SCN2A: variants seen among roughly 807,000 people sequenced by gnomAD.
The protein encoded by SCN2A is sodium channel protein type 2 subunit alpha.
A neutral mutation model predicts 188.7 loss-of-function variants in SCN2A; 20 were observed. The observed-to-expected ratio is 0.11, with a 90% CI of 0.07 to 0.15. The LOEUF is 0.15. Among genes scored for constraint, SCN2A ranks in the 10% least tolerant of loss-of-function variants. The probability of loss-of-function intolerance (pLI) is 1.00; values close to 1 mark genes in which losing one functional copy is unlikely to be tolerated. For missense variants in SCN2A, 1,278 were observed against 2,445.0 expected (o/e 0.52, Z 10.07); for synonymous variants, 804 against 833.1 (o/e 0.97, Z 0.60).
In SCN2A at chr2:165,375,818, C is replaced by T. The variant is rs926339246; in HGVS notation, c.4254+852C>T. ...ATGTATATATATGTGTGTGTATACA[C>T]GCACACACACACACACACACCCCTA... is the stretch of plus-strand genomic sequence containing the variant. On this transcript the variant is annotated intron_variant, in intron 22 of 26. Transcript: ENST00000375437. 1.1e-4 allele frequency among the ~76,000 whole-genome samples: 16 copies of T among 151,434 alleles called. 1 individual carries two copies. The highest frequency in any genetic ancestry group is 6.2e-4 in the South Asian group (3 of 4,810).
chr2:165,339,585 G>C (rs1699198919), intron 14 of SCN2A, among the ~76,000 whole-genome samples: 1 of 151,908 alleles, frequency 6.6e-6, no homozygotes, highest in Admixed American at 6.6e-5. Flanking sequence ...GAAGAATATA[G>C]TAATAAATTT....
intron 1 of SCN2A, among the ~76,000 whole-genome samples, chr2:165,250,761 G>T (rs1694056246): frequency 6.6e-6 from 1 of 152,044 alleles, no homozygotes; most frequent in African/African-American, 2.4e-5. Flanking sequence ...AATGTAGGTT[G>T]CAGTGATCTT....
intron 1 of SCN2A, among the ~76,000 whole-genome samples, chr2:165,254,477 A>G (rs541300088): frequency 6.6e-6 from 1 of 151,770 alleles, no homozygotes; most frequent in South Asian, 2.1e-4. Flanking sequence ...CTATTTTTCT[A>G]TCCTTTGAAT....
At chr2:165,258,055 T>G (rs1428027303) in intron 1 of SCN2A, among the ~76,000 whole-genome samples, 1 of 152,230 alleles carries the variant, frequency 6.6e-6, no homozygotes, top group African/African-American at 2.4e-5. Context: ...TACTGATAGA[T>G]TCTGGATAGT....
chr2:165,291,412 C>CTG (rs1696127024), intron 1 of SCN2A, among the ~76,000 whole-genome samples: 1 of 141,184 alleles, frequency 7.1e-6, no homozygotes, highest in African/African-American at 2.6e-5. Flanking sequence ...TCCTTCCTTC[C>CTG]TTCCTCCCTG....
chr2:165,323,063 T>C, intron 11 of SCN2A, 93 bp from the exon 12 acceptor site: 3 of 1,199,206 alleles, frequency 2.5e-6, no homozygotes, highest in Non-Finnish European at 3.6e-6. Context: ...AGTAAGTCAA[T>C]GACTATGACA....
intron 25 of SCN2A, 123 bp from the exon 26 acceptor site, chr2:165,386,623 T>A: frequency 9.9e-7 from 1 of 1,009,978 alleles, no homozygotes; most frequent in East Asian, 2.6e-5. Flanking sequence ...TGTAAAATGT[T>A]GTGAGGATTA....
At chr2:165,302,362 ATTC>A (rs1316635723) in intron 3 of SCN2A, among the ~76,000 whole-genome samples, 1 of 152,210 alleles carries the variant, frequency 6.6e-6, no homozygotes, top group Non-Finnish European at 1.5e-5. Flanking sequence ...GACCTATTCT[ATTC>A]TACTTCAAAT....
intron 3 of SCN2A, among the ~76,000 whole-genome samples, chr2:165,306,919 C>T (rs900239336): frequency 1.3e-5 from 2 of 152,036 alleles, no homozygotes; most frequent in Non-Finnish European, 2.9e-5. Context: ...TACATAATGG[C>T]AACTAAATCT....
intron 9 of SCN2A, 41 bp from the exon 10 acceptor site, chr2:165,313,861 T>C: frequency 6.2e-7 from 1 of 1,611,800 alleles, no homozygotes; most frequent in South Asian, 1.1e-5. Context: ...GTTTGTAACA[T>C]CCTATATAAA....
chr2:165,246,577 T>G (rs1693856755), intron 1 of SCN2A, among the ~76,000 whole-genome samples: 1 of 152,192 alleles, frequency 6.6e-6, no homozygotes. Flanking sequence ...ATGTCCTCTT[T>G]CCTTTCATTA....
intron 14 of SCN2A, among the ~76,000 whole-genome samples, 197 bp from the exon 15 acceptor site, chr2:165,342,099 C>A (rs1021193191): frequency 1.3e-5 from 2 of 152,178 alleles, no homozygotes; most frequent in African/African-American, 4.8e-5. Context: ...TACTCTTTAT[C>A]ATTTGATAAA....
intron 1 of SCN2A, among the ~76,000 whole-genome samples, chr2:165,276,268 G>A (rs1156334642): frequency 1.3e-5 from 2 of 148,454 alleles, no homozygotes; most frequent in African/African-American, 2.5e-5. Context: ...AAATACTTAG[G>A]AAAAAAAAAA....
At chr2:165,260,919 G>T (rs1200036457) in intron 1 of SCN2A, among the ~76,000 whole-genome samples, 1 of 138,136 alleles carries the variant, frequency 7.2e-6, no homozygotes, top group African/African-American at 2.8e-5. Flanking sequence ...GCAGTGAGCT[G>T]AGATTGTGCC....
intron 1 of SCN2A, chr2:165,271,053 T>C (rs1266833521): frequency 6.6e-6 from 1 of 152,100 alleles, no homozygotes; most frequent in African/African-American, 2.4e-5. Context: ...ATAAAAACAT[T>C]TGTAAAAATT....
chr2:165,305,747 CT>C (rs1697090171), intron 3 of SCN2A, among the ~76,000 whole-genome samples: 1 of 152,086 alleles, frequency 6.6e-6, no homozygotes, highest in South Asian at 2.1e-4. Context: ...GAAAGAAAAG[CT>C]GGTAGGCTGA....
intron 22 of SCN2A, among the ~76,000 whole-genome samples, chr2:165,375,527 A>G (rs1701264140): frequency 6.6e-6 from 1 of 151,964 alleles, no homozygotes; most frequent in African/African-American, 2.4e-5. Context: ...GTGCGTGTAT[A>G]TAGAAGTAGT....
intron 3 of SCN2A, among the ~76,000 whole-genome samples, chr2:165,303,441 G>A (rs562725023): frequency 7.9e-4 from 120 of 151,752 alleles, no homozygotes; most frequent in Middle Eastern, 3.4e-3. Context: ...ACGCCCGGCT[G>A]ATTTTTTGTA....
chr2:165,378,328 T>G (rs1701419637), intron 23 of SCN2A, among the ~76,000 whole-genome samples: 1 of 91,522 alleles, frequency 1.1e-5, no homozygotes, highest in East Asian at 4.7e-4. Context: ...ATTCCTGAGG[T>G]TTTTTTTTTT....
Sources: allele counts gnomAD v4.1 joint callset (sites outside exome capture counted in the v4.1 genomes callset), GRCh38; gene constraint gnomAD v4.1.1; transcripts MANE v1.5; gene names NCBI Gene and HGNC (gene_info 2026-07-23, HGNC 2026-07-21).